Variants in KCNH1 observed in about 807,000 individuals in gnomAD.
The protein encoded by KCNH1 is potassium voltage-gated channel subfamily H member 1, also known as voltage-gated delayed rectifier potassium channel KCNH1.
KCNH1 carries 27 observed loss-of-function variants against 69.2 expected under a neutral mutation model. The ratio of observed to expected loss-of-function variants is 0.39; its 90% CI spans 0.29 to 0.54. The LOEUF is 0.54. KCNH1 is among the 20% of genes least tolerant of loss of function. The pLI is 0.68. For synonymous variants in KCNH1, 456 were observed against 487.7 expected (o/e 0.93, Z 0.86); for missense variants, 798 against 1,261.6 (o/e 0.63, Z 5.57).
chr1:211,055,629 C>T (rs756754806), intron 5 of KCNH1, among the ~76,000 whole-genome samples: 29 of 152,176 alleles, frequency 1.9e-4, no homozygotes, highest in Non-Finnish European at 2.5e-4. Context: ...CCCCAGACAG[C>T]GCAGCTCACA....
At chr1:210,980,827 G>A (rs1688696879) in intron 6 of KCNH1, among the ~76,000 whole-genome samples, 1 of 151,988 alleles carries the variant, frequency 6.6e-6, no homozygotes, top group Admixed American at 6.6e-5. Flanking sequence ...CAATGTGTGT[G>A]TGTGTGTGTG....
rs563990849 is a variant in KCNH1, at chr1:211,098,322, A to G, written c.310+5174T>C. Among the ~76,000 whole-genome samples the G allele has an allele frequency of 1.2e-4, 5 of 42,080 alleles. No homozygotes were observed. The East Asian group carries it at 1.9e-3, about 16-fold the overall frequency. 27.6% of individuals were successfully genotyped at this position (42,080 alleles called of 152,430 possible). On this transcript the variant is annotated intron_variant, in intron 3 of 10. Transcript: ENST00000271751. ...GGCGACATAGCCAGACCCTGTCTTGAAAAAAAAAAAAAAAGAAAGAAAAGA... is the reference window on the plus strand; with the variant it reads ...GGCGACATAGCCAGACCCTGTCTTGGAAAAAAAAAAAAAAGAAAGAAAAGA...
intron 6 of KCNH1, among the ~76,000 whole-genome samples, chr1:210,988,739 C>T (rs1688890575): frequency 6.6e-6 from 1 of 152,046 alleles, no homozygotes; most frequent in South Asian, 2.1e-4. Flanking sequence ...TATGTGAGGC[C>T]CAGCAGTGAA....
chr1:211,064,797 C>T (rs932798642), intron 5 of KCNH1, among the ~76,000 whole-genome samples: 3 of 151,886 alleles, frequency 2.0e-5, no homozygotes, highest in African/African-American at 4.8e-5. Context: ...AGTAAGACAA[C>T]AAAAAACCTA....
intron 10 of KCNH1, among the ~76,000 whole-genome samples, chr1:210,732,102 C>G (rs893276594): frequency 6.6e-6 from 1 of 151,922 alleles, no homozygotes; most frequent in African/African-American, 2.4e-5. Context: ...GAGAACATCC[C>G]AGATAACACT....
chr1:210,732,541 C>T (rs1389002662), intron 10 of KCNH1, among the ~76,000 whole-genome samples: 1 of 152,170 alleles, frequency 6.6e-6, no homozygotes, highest in Non-Finnish European at 1.5e-5. Flanking sequence ...GTCTATCTGC[C>T]TTCTAGGACA....
At chr1:210,701,050 G>A (rs552347069) in intron 10 of KCNH1, among the ~76,000 whole-genome samples, 2 of 152,260 alleles carry the variant, frequency 1.3e-5, no homozygotes, top group East Asian at 3.9e-4. Flanking sequence ...CCACTCTCCT[G>A]CCTCAGCCTC....
chr1:210,837,030 T>C lies in KCNH1; in HGVS notation c.1463-32864A>G, dbSNP rs1316927251. Among the ~76,000 whole-genome samples the C allele has an allele frequency of 2.0e-5, 3 of 152,224 alleles. No individual in the cohort carries two copies. In the East Asian group the frequency reaches 5.8e-4, roughly 29 times the overall value. ...ACGCAGAAGTCAGCAGTGCTTACCA[T>C]GACTTACGATGTTCTTCATGATCTG... On this transcript the variant is annotated intron_variant, in intron 7 of 10. Transcript: ENST00000271751.
intron 10 of KCNH1, among the ~76,000 whole-genome samples, chr1:210,742,415 T>C (rs1343953845): frequency 6.6e-6 from 1 of 152,172 alleles, no homozygotes; most frequent in Non-Finnish European, 1.5e-5. Flanking sequence ...GGGGTAACCA[T>C]CCAGATGGGA....
intron 5 of KCNH1, among the ~76,000 whole-genome samples, chr1:211,063,118 T>C (rs564211969): frequency 2.7e-4 from 41 of 152,332 alleles, no homozygotes; most frequent in African/African-American, 9.9e-4. Context: ...AATGGAATAT[T>C]ATTCAACCAT....
intron 4 of KCNH1, among the ~76,000 whole-genome samples, chr1:211,084,414 T>C (rs1354767222): frequency 6.6e-6 from 1 of 152,148 alleles, no homozygotes; most frequent in African/African-American, 2.4e-5. Context: ...ATCTATATAC[T>C]GTGAGAACAG....
chr1:210,795,240 C>G (rs535205543), intron 9 of KCNH1, among the ~76,000 whole-genome samples: 2 of 152,220 alleles, frequency 1.3e-5, no homozygotes, highest in Admixed American at 1.3e-4. Context: ...TCACTGCAAC[C>G]TCCGCTTCTG....
chr1:210,719,474 T>A (rs980726385), intron 10 of KCNH1, among the ~76,000 whole-genome samples: 1 of 152,094 alleles, frequency 6.6e-6, no homozygotes, highest in African/African-American at 2.4e-5. Flanking sequence ...ATGTTCTCAC[T>A]CATAAGTGGG....
chr1:211,124,667 T>A (rs1415482386), intron 1 of KCNH1, among the ~76,000 whole-genome samples: 1 of 152,054 alleles, frequency 6.6e-6, no homozygotes, highest in Non-Finnish European at 1.5e-5. Context: ...AAAGAACAAG[T>A]AATTGGCTCT....
intron 10 of KCNH1, among the ~76,000 whole-genome samples, chr1:210,758,099 C>G (rs1224256670): frequency 1.3e-5 from 2 of 152,246 alleles, no homozygotes; most frequent in Non-Finnish European, 2.9e-5. Flanking sequence ...ACACTCCCCA[C>G]AGCTTCTTGC....
intron 7 of KCNH1, among the ~76,000 whole-genome samples, chr1:210,898,080 G>A (rs541369857): frequency 6.6e-6 from 1 of 152,096 alleles, no homozygotes; most frequent in Admixed American, 6.6e-5. Context: ...CTTTCCCTGT[G>A]GATTGCATTA....
At chr1:211,111,779 T>C (rs1426141623) in intron 1 of KCNH1, among the ~76,000 whole-genome samples, 1 of 106,800 alleles carries the variant, frequency 9.4e-6, no homozygotes, top group African/African-American at 3.8e-5. Context: ...ATCTGGGAAG[T>C]GAGGAGTGCC....
intron 3 of KCNH1, among the ~76,000 whole-genome samples, chr1:211,091,059 G>T (rs1057207240): frequency 5.9e-5 from 9 of 152,118 alleles, no homozygotes; most frequent in African/African-American, 2.2e-4. Flanking sequence ...GACAAGATAG[G>T]TCCTGCCAAC....
chr1:211,123,340 C>A (rs550861014), intron 1 of KCNH1, among the ~76,000 whole-genome samples: 3 of 152,312 alleles, frequency 2.0e-5, no homozygotes, highest in Admixed American at 2.0e-4. Flanking sequence ...GAGCAGGTAT[C>A]TTTGACCACC....
Sources: allele counts gnomAD v4.1 joint callset (sites outside exome capture counted in the v4.1 genomes callset), GRCh38; gene constraint gnomAD v4.1.1; transcripts MANE v1.5; gene names NCBI Gene and HGNC (gene_info 2026-07-23, HGNC 2026-07-21).